The following ERICH1 variants were observed in gnomAD, a reference collection of about 807,000 sequenced individuals.
The protein encoded by ERICH1 is glutamate-rich protein 1.
A neutral mutation model predicts 39.6 loss-of-function variants in ERICH1; 56 were observed. The ratio of observed to expected loss-of-function variants is 1.41; its 90% confidence interval spans 1.14 to 1.77. The LOEUF (loss-of-function observed/expected upper bound fraction) is 1.77. Among genes scored for constraint, ERICH1 ranks in the 40% most tolerant of loss-of-function variants. The pLI is 0.00. For synonymous variants in ERICH1, 313 were observed against 223.6 expected, an observed-to-expected ratio of 1.40 and a Z score of -3.57; for missense variants, 826 against 575.4, an observed-to-expected ratio of 1.44 and a Z score of -4.45.
At position 673,813 on chromosome 8, in the gene ERICH1, G is replaced by A. The variant is rs1420711412; in HGVS notation, c.539C>T (p.Ala180Val). ...QIKRKKAAGLAAKAAGVSFMY... is the reference protein window; with the variant it reads ...QIKRKKAAGLVAKAAGVSFMY... ...GAAACTGACACCAGCAGCCTTTGCT[G>A]CCAAGCCGGCTGCTTTCTTCCTTTT... The change falls in exon 4 of 6, where the codon GCA becomes GTA. Residue 180 changes from alanine to valine, a missense_variant. Transcript: ENST00000262109. 5.6e-6 allele frequency: 9 copies of A among 1,614,132 alleles called. No individual in the cohort carries two copies. The highest frequency in any genetic ancestry group is 7.6e-6 in the Non-Finnish European group (9 of 1,180,044).
chr8:727,834 A>C (rs1819130171), intron 1 of ERICH1, among the ~76,000 whole-genome samples: 1 of 152,206 alleles, frequency 6.6e-6, no homozygotes, highest in South Asian at 2.1e-4. Flanking sequence ...AAACTGCAGG[A>C]CAAGGAGTCA....
chr8:701,264 C>T (rs1022205698), intron 2 of ERICH1, among the ~76,000 whole-genome samples: 15 of 152,042 alleles, frequency 9.9e-5, no homozygotes, highest in East Asian at 1.9e-4. Context: ...GACGGGAGCA[C>T]GCCGTACCCA....
chr8:660,330 T>G (rs934482255), downstream of ERICH1, among the ~76,000 whole-genome samples: 1 of 152,236 alleles, frequency 6.6e-6, no homozygotes, highest in South Asian at 2.1e-4. Flanking sequence ...GCAGGCCTGA[T>G]GGAGTCAAAT....
chr8:643,301 AG>A (rs1030313973), intron 3 of ERICH1, among the ~76,000 whole-genome samples: 5 of 152,050 alleles, frequency 3.3e-5, no homozygotes, highest in African/African-American at 1.2e-4. Context: ...CTGTGCTCGC[AG>A]GGACGGGAAG....
Position 615,220 on chromosome 8 carries a change from T to A in ERICH1, c.*3A>T, listed in dbSNP as rs759097394. On this transcript the variant is annotated 3_prime_UTR_variant, in exon 4 of 4. Transcript: ENST00000522706. ...GAATTGTCCAAGTCAGCACCACAGC[T>A]GGTTAAGGCAGCCCCTCTCTCTTTC... 7 of 685,672 alleles carry A rather than the reference T, an allele frequency of 1.0e-5. No individual in the cohort carries two copies. The South Asian group carries it at 1.1e-4, about 11-fold the overall frequency. 42.5% of individuals were successfully genotyped at this position (685,672 alleles called of 1,614,324 possible).
In ERICH1 at chr8:708,681, G is replaced by GTTTTTTGTTTTTTTTTT; in HGVS notation, c.169+7179_169+7180insAAAAAAAAAACAAAAAA. 6.4e-4 allele frequency among the ~76,000 whole-genome samples: 42 copies of GTTTTTTGTTTTTTTTTT among 65,766 alleles called. 3 individuals are homozygous for GTTTTTTGTTTTTTTTTT. The highest frequency in any genetic ancestry group is 1.9e-3 in the South Asian group (3 of 1,616). The allele number at this position is 65,766 out of a possible 152,430, so 43.1% of individuals were successfully genotyped here. A position where few individuals can be genotyped will look rare whatever the true frequency, so the allele number is the denominator to read the frequency against. On this transcript the variant is annotated intron_variant, in intron 2 of 5. Coordinates refer to ENST00000262109, the MANE Select transcript of ERICH1 (RefSeq NM_207332.3). ...GGGCTGAGTGGTTACGGGATAATGA[G>GTTTTTTGTTTTTTTTTT]TTTTTTTTTTTTTTTTTTTTTTTTT...
intron 2 of ERICH1, among the ~76,000 whole-genome samples, chr8:713,859 C>A (rs576031728): frequency 2.6e-5 from 4 of 152,188 alleles, no homozygotes; most frequent in Non-Finnish European, 5.9e-5. Flanking sequence ...ACGAACGAGA[C>A]CCCCAGAAAT....
intron 2 of ERICH1, among the ~76,000 whole-genome samples, chr8:694,768 T>TA (rs776212131): frequency 1.1e-4 from 17 of 152,238 alleles, no homozygotes; most frequent in Non-Finnish European, 2.1e-4. Context: ...TGAGGACACT[T>TA]ACGCCTTGCA....
At chr8:616,938 GAGAGGGAGAGGGAGACAGAGACACAC>G (rs1337338496) in intron 3 of ERICH1, among the ~76,000 whole-genome samples, 2,366 of 53,428 alleles carry the variant, frequency 0.044, 595 homozygotes, top group East Asian at 0.3. Flanking sequence ...GACAGAGAGA[GAGAGGGAGAGGGAGACAGAGACACAC>G]AGAGAGAGAG....
chr8:651,409 A>G (rs192978829), intron 3 of ERICH1, among the ~76,000 whole-genome samples: 1 of 152,352 alleles, frequency 6.6e-6, no homozygotes, highest in Non-Finnish European at 1.5e-5. Flanking sequence ...AGCTGATCCC[A>G]GCTCCGGGGC....
chr8:631,749 G>A (rs1240698111), intron 3 of ERICH1, among the ~76,000 whole-genome samples: 1 of 152,244 alleles, frequency 6.6e-6, no homozygotes, highest in Non-Finnish European at 1.5e-5. Context: ...CATCGTCTCT[G>A]GAACGTTCTC....
rs139751159 is a variant in ERICH1 at position 665,714 on chromosome 8, G to C, written c.1259-1038C>G. Among the ~76,000 whole-genome samples, 430 of 152,356 alleles carry C rather than the reference G, an allele frequency of 2.8e-3. 1 individual carries two copies. Among genetic ancestry groups the C allele is most frequent in the Middle Eastern group, 6.8e-3 (2 of 294 alleles). ...GTACGTGTAATAAAACGTCACAGAAGCGGGAGAGCTTGGCCCTAATGCTGG... is the reference window on the plus strand; with the variant it reads ...GTACGTGTAATAAAACGTCACAGAACCGGGAGAGCTTGGCCCTAATGCTGG... On this transcript the variant is annotated intron_variant, in intron 5 of 5. Coordinates refer to ENST00000262109, the MANE Select transcript of ERICH1 (RefSeq NM_207332.3).
chr8:642,490 A>G lies in ERICH1; in HGVS notation c.976+26108T>C, dbSNP rs545014597. The stretch of plus-strand genomic sequence containing the variant: ...CTCCCAGATAGCTGGGACTACAGGC[A>G]CCAGCCACCACGCCCGGCTAATTTT... On this transcript the variant is annotated intron_variant, in intron 3 of 3. Coordinates refer to the ERICH1 transcript ENST00000522706. Among the ~76,000 whole-genome samples, 178 of 151,986 alleles carry G rather than the reference A, an allele frequency of 1.2e-3. 2 individuals are homozygous for G. The Middle Eastern group carries it at 0.014, about 12-fold the overall frequency.
At chr8:697,056 C>T (rs1810480624) in intron 2 of ERICH1, among the ~76,000 whole-genome samples, 1 of 152,202 alleles carries the variant, frequency 6.6e-6, no homozygotes, top group Non-Finnish European at 1.5e-5. Context: ...TGACTTCCCT[C>T]CCAGGAGGCA....
At chr8:622,972 A>AAATAAAT (rs1797377953) in intron 3 of ERICH1, among the ~76,000 whole-genome samples, 1 of 151,614 alleles carries the variant, frequency 6.6e-6, no homozygotes, top group African/African-American at 2.4e-5. Context: ...ATAAATAAAT[A>AAATAAAT]AATAAATAAA....
chr8:653,061 C>T (rs578113339), intron 3 of ERICH1, among the ~76,000 whole-genome samples: 1 of 152,288 alleles, frequency 6.6e-6, no homozygotes, highest in African/African-American at 2.4e-5. Context: ...AAAATGAAAC[C>T]CAGATTTAAT....
chr8:699,533 G>A (rs1315866101), intron 2 of ERICH1, among the ~76,000 whole-genome samples: 2 of 152,218 alleles, frequency 1.3e-5, no homozygotes, highest in African/African-American at 2.4e-5. Flanking sequence ...ACCCCTCAGG[G>A]TGACGGCGAC....
At chr8:714,889 T>A (rs1245559687) in intron 2 of ERICH1, among the ~76,000 whole-genome samples, 1 of 152,140 alleles carries the variant, frequency 6.6e-6, no homozygotes, top group East Asian at 1.9e-4. Context: ...CGGTGGGATG[T>A]GCTGCACAGA....
chr8:620,816 C>G (rs1797235717), intron 3 of ERICH1, among the ~76,000 whole-genome samples: 1 of 152,234 alleles, frequency 6.6e-6, no homozygotes, highest in South Asian at 2.1e-4. Context: ...GAGAAGTAGA[C>G]AATTTAACAA....
Sources: gnomAD v4.1 joint callset for allele counts (sites outside exome capture counted in the v4.1 genomes callset) on GRCh38, gnomAD v4.1.1 for gene constraint, MANE v1.5 for transcripts, NCBI Gene and HGNC (gene_info 2026-07-23, HGNC 2026-07-21) for gene names.